FSTL4: variants seen among roughly 807,000 people sequenced by gnomAD.
The protein encoded by FSTL4 is follistatin like 4.
FSTL4 carries 28 observed loss-of-function variants against 78.2 expected under a neutral mutation model. The ratio of observed to expected loss-of-function variants is 0.36; its 90% CI spans 0.27 to 0.49. FSTL4 has a LOEUF of 0.49. Among genes scored for constraint, FSTL4 ranks in the 20% least tolerant of loss-of-function variants. The pLI is 0.98. For missense variants in FSTL4, 922 were observed against 1,084.9 expected, an observed-to-expected ratio of 0.85 and a Z score of 2.11; for synonymous variants, 422 against 440.5, an observed-to-expected ratio of 0.96 and a Z score of 0.53.
intron 4 of FSTL4, among the ~76,000 whole-genome samples, chr5:133,352,893 C>T (rs370050490): frequency 5.3e-5 from 8 of 151,996 alleles, no homozygotes; most frequent in South Asian, 2.1e-4. Flanking sequence ...TTTGCTATTG[C>T]GAATAGCTTA....
chr5:133,544,301 G>T (rs983040504), intron 3 of FSTL4, among the ~76,000 whole-genome samples: 3 of 151,824 alleles, frequency 2.0e-5, no homozygotes, highest in African/African-American at 7.3e-5. Flanking sequence ...CACAAATGAA[G>T]GTGTGTTAAA....
rs184178834 is a variant in FSTL4 at position 133,293,904 on chromosome 5, G to A, written c.727+18750C>T. On this transcript the variant is annotated intron_variant, in intron 6 of 15. Transcript: ENST00000265342. Reference sequence around the variant, plus strand: ...CCTAACACACGCCCTTGCTGTTATCGTTCTAATCCCTCCCTCCTGCATCAT... The same window carrying A: ...CCTAACACACGCCCTTGCTGTTATCATTCTAATCCCTCCCTCCTGCATCAT... 1.1e-3 allele frequency among the ~76,000 whole-genome samples: 169 copies of A among 152,258 alleles called. 4 individuals are homozygous for A. Among genetic ancestry groups the A allele is most frequent in the Admixed American group, 9.3e-3 (142 of 15,294 alleles).
intron 6 of FSTL4, among the ~76,000 whole-genome samples, chr5:133,284,346 T>G (rs1274300564): frequency 1.3e-5 from 2 of 152,152 alleles, no homozygotes; most frequent in Non-Finnish European, 2.9e-5. Flanking sequence ...TTAGAGTGAG[T>G]CAAGTCATTA....
chr5:133,388,280 G>A (rs1755753423), intron 4 of FSTL4, among the ~76,000 whole-genome samples: 1 of 152,142 alleles, frequency 6.6e-6, no homozygotes, highest in Non-Finnish European at 1.5e-5. Context: ...CACGGATGGT[G>A]TATTATTTGA....
chr5:133,454,956 C>G (rs938360408), intron 3 of FSTL4, among the ~76,000 whole-genome samples: 18 of 152,360 alleles, frequency 1.2e-4, no homozygotes, highest in African/African-American at 4.3e-4. Context: ...AAACTGAGAT[C>G]GCCTTGAGGG....
At chr5:133,224,089 C>T in intron 11 of FSTL4, 101 bp downstream of exon 11, 1 of 882,354 alleles carries the variant, frequency 1.1e-6, no homozygotes, top group South Asian at 1.6e-5. Flanking sequence ...CATAGGGCTG[C>T]TTTGTGTGGG....
the FSTL4 span, among the ~76,000 whole-genome samples, chr5:133,622,634 G>T: frequency 6.6e-6 from 1 of 152,066 alleles, no homozygotes. Context: ...CATTCTGACA[G>T]GTGTGTGATT....
At chr5:133,762,390 C>G in the FSTL4 span, among the ~76,000 whole-genome samples, 1 of 152,082 alleles carries the variant, frequency 6.6e-6, no homozygotes. Flanking sequence ...AAGTCATAGC[C>G]CCAAACTTTC....
chr5:133,507,122 C>T (rs895106431), intron 3 of FSTL4, among the ~76,000 whole-genome samples: 1 of 152,136 alleles, frequency 6.6e-6, no homozygotes, highest in Admixed American at 6.5e-5. Flanking sequence ...GCAGGAGAAT[C>T]GCTTGAACCC....
chr5:133,243,895 TGAA>T lies in FSTL4; in HGVS notation c.894+5512_894+5514del, dbSNP rs1176083049. On this transcript the variant is annotated intron_variant, in intron 7 of 15. Transcript: ENST00000265342. The stretch of plus-strand genomic sequence containing the variant: ...GACAGTGAGGAAGACAGTTATGAGA[TGAA>T]GGGTGGGTGACATTGTTGAGGCAGG... 4 of 152,368 alleles carry T rather than the reference TGAA, an allele frequency of 2.6e-5. No homozygotes were observed. The East Asian group carries it at 7.7e-4, about 29-fold the overall frequency. 9.4% of individuals were successfully genotyped at this position (152,368 alleles called of 1,614,324 possible). A position where few individuals can be genotyped will look rare whatever the true frequency, so the allele number is the denominator to read the frequency against.
chr5:133,516,901 C>A (rs1418541977), intron 3 of FSTL4, among the ~76,000 whole-genome samples: 1 of 152,150 alleles, frequency 6.6e-6, no homozygotes, highest in African/African-American at 2.4e-5. Context: ...TAGTTAACCA[C>A]ATGGAAGATA....
At chr5:133,228,674 G>C (rs1751403362) in intron 8 of FSTL4, among the ~76,000 whole-genome samples, 1 of 152,160 alleles carries the variant, frequency 6.6e-6, no homozygotes, top group Non-Finnish European at 1.5e-5. Flanking sequence ...GACACTAGAA[G>C]GGCCTTTGAA....
the FSTL4 span, among the ~76,000 whole-genome samples, chr5:133,634,667 T>TA: frequency 6.6e-6 from 1 of 152,188 alleles, no homozygotes. Context: ...TTGTTTATTG[T>TA]AAAAATAGCA....
At position 133,400,829 on chromosome 5, in the gene FSTL4, C is replaced by A; in HGVS notation, c.318G>T (p.Arg106Ser). 1 of 1,614,038 alleles carries A rather than the reference C, an allele frequency of 6.2e-7. No homozygotes were observed. The highest frequency in any genetic ancestry group is 8.5e-7 in the Non-Finnish European group (1 of 1,180,008). The change falls in exon 4 of 16, where the codon AGG (arginine) becomes AGT (serine). Residue 106 changes from arginine to serine, a missense_variant. Physicochemically the swap from Arg to Ser is moderately radical, Grantham distance 110. Transcript: ENST00000265342. ...SYVPVCGSDG[R>S]FYENHCKLHR... ...GGAGCTTACAGTGGTTTTCATAAAA[C>A]CTCCCATCAGAGCCGCACACAGGCA...
At chr5:133,643,761 A>C in the FSTL4 span, among the ~76,000 whole-genome samples, 5 of 152,214 alleles carry the variant, frequency 3.3e-5, no homozygotes, top group Non-Finnish European at 7.3e-5. Context: ...ATCCTGCCTA[A>C]TAAAGTGAGA....
At chr5:133,472,295 G>A (rs1268680401) in intron 3 of FSTL4, among the ~76,000 whole-genome samples, 1 of 152,200 alleles carries the variant, frequency 6.6e-6, no homozygotes, top group Non-Finnish European at 1.5e-5. Flanking sequence ...GTAATAGAAA[G>A]TGGAACTCCT....
chr5:133,731,720 C>T, the FSTL4 span, among the ~76,000 whole-genome samples: 7 of 152,078 alleles, frequency 4.6e-5, no homozygotes, highest in African/African-American at 9.7e-5. Flanking sequence ...GGCTGCCGGC[C>T]GGCAGTGGGA....
At chr5:133,838,803 C>T in the FSTL4 span, among the ~76,000 whole-genome samples, 4 of 152,112 alleles carry the variant, frequency 2.6e-5, no homozygotes, top group Non-Finnish European at 5.9e-5. Flanking sequence ...TTCTGCTGGT[C>T]GTGACAATTA....
intron 4 of FSTL4, among the ~76,000 whole-genome samples, chr5:133,323,852 G>A (rs553825340): frequency 2.6e-5 from 4 of 152,310 alleles, no homozygotes; most frequent in South Asian, 2.1e-4. Flanking sequence ...TATCAAGCCC[G>A]TTCTCCATGA....
Sources: allele counts gnomAD v4.1 joint callset (sites outside exome capture counted in the v4.1 genomes callset), GRCh38; gene constraint gnomAD v4.1.1; transcripts MANE v1.5; gene names NCBI Gene and HGNC (gene_info 2026-07-23, HGNC 2026-07-21).